ERBB4: variants seen among roughly 807,000 people sequenced by gnomAD.
ERBB4 encodes erb-b2 receptor tyrosine kinase 4, also known as receptor tyrosine-protein kinase erbB-4.
ERBB4 carries 42 observed loss-of-function variants against 158.0 expected under a neutral mutation model. That is an observed-to-expected ratio of 0.27 (90% CI 0.21 to 0.34). The LOEUF (loss-of-function observed/expected upper bound fraction) is 0.34. ERBB4 is among the 10% of genes least tolerant of loss of function. ERBB4 has a pLI of 1.00. For synonymous variants in ERBB4, 583 were observed against 558.7 expected (o/e 1.04, Z -0.61); for missense variants, 1,333 against 1,624.1 (o/e 0.82, Z 3.08).
At position 211,380,168 on chromosome 2, in the gene ERBB4, T is replaced by A; in HGVS notation, c.*3447A>T. On this transcript the variant is annotated 3_prime_UTR_variant, in exon 28 of 28. Transcript: ENST00000342788. Reference sequence around the variant, plus strand: ...GTTGTTTTTCATGCTATTTTAAGAATGTTACTGGAGAAAGGATTCTCATCC... The same window carrying A: ...GTTGTTTTTCATGCTATTTTAAGAAAGTTACTGGAGAAAGGATTCTCATCC... 1 of 232,164 alleles carries A rather than the reference T, an allele frequency of 4.3e-6. No homozygotes were observed. Among genetic ancestry groups the A allele is most frequent in the Non-Finnish European group, 8.5e-6 (1 of 117,396 alleles). The allele number at this position is 232,164 out of a possible 1,614,324, so 14.4% of individuals were successfully genotyped here. A position where few individuals can be genotyped will look rare whatever the true frequency, so the allele number is the denominator to read the frequency against.
chr2:211,749,721 T>C (rs1291939117), intron 5 of ERBB4, among the ~76,000 whole-genome samples: 1 of 152,180 alleles, frequency 6.6e-6, no homozygotes, highest in Admixed American at 6.5e-5. Flanking sequence ...ACTAGACAAA[T>C]GTGAACTGAG....
At chr2:212,196,084 C>T (rs1559718934) in intron 1 of ERBB4, among the ~76,000 whole-genome samples, 1 of 152,042 alleles carries the variant, frequency 6.6e-6, no homozygotes, top group Non-Finnish European at 1.5e-5. Flanking sequence ...CCAAACCTAT[C>T]CCCACCACCG....
At chr2:212,143,349 G>A (rs1226895661) in intron 1 of ERBB4, among the ~76,000 whole-genome samples, 1 of 152,078 alleles carries the variant, frequency 6.6e-6, no homozygotes, top group African/African-American at 2.4e-5. Context: ...TAATAATAAA[G>A]TGTTGAATAA....
intron 4 of ERBB4, among the ~76,000 whole-genome samples, chr2:211,756,134 A>G (rs2106225861): frequency 6.6e-6 from 1 of 152,304 alleles, no homozygotes; most frequent in East Asian, 1.9e-4. Flanking sequence ...GGATAAAAAG[A>G]CGAATGTCAC....
intron 2 of ERBB4, among the ~76,000 whole-genome samples, chr2:211,998,004 A>T (rs1233578208): frequency 6.6e-6 from 1 of 151,718 alleles, no homozygotes; most frequent in Non-Finnish European, 1.5e-5. Context: ...TAAGGTTTCT[A>T]TTAGAAATCA....
At chr2:211,657,698 T>C in intron 16 of ERBB4, 56 bp downstream of exon 16, 1 of 1,332,076 alleles carries the variant, frequency 7.5e-7, no homozygotes, top group South Asian at 1.2e-5. Flanking sequence ...GTACTTTTTG[T>C]TCATGATAAC....
At chr2:212,506,418 G>T (rs1691199447) in intron 1 of ERBB4, among the ~76,000 whole-genome samples, 1 of 124,170 alleles carries the variant, frequency 8.1e-6, no homozygotes, top group African/African-American at 2.5e-5. Context: ...TATCAAGAGA[G>T]CCAAGGCAGG....
At chr2:212,035,412 C>T (rs2076991005) in intron 2 of ERBB4, among the ~76,000 whole-genome samples, 1 of 152,188 alleles carries the variant, frequency 6.6e-6, no homozygotes, top group African/African-American at 2.4e-5. Context: ...CATCCCTCCA[C>T]CCACTTCTAA....
chr2:212,104,463 C>T (rs2079168688), intron 2 of ERBB4, among the ~76,000 whole-genome samples: 1 of 152,112 alleles, frequency 6.6e-6, no homozygotes, highest in Non-Finnish European at 1.5e-5. Flanking sequence ...TTCACCATAT[C>T]TCTTCATAAC....
intron 2 of ERBB4, among the ~76,000 whole-genome samples, chr2:212,058,247 T>C (rs994368407): frequency 2.0e-5 from 3 of 152,202 alleles, no homozygotes; most frequent in African/African-American, 4.8e-5. Flanking sequence ...CAGGAAGAAG[T>C]TGAATCTCTG....
chr2:212,468,101 G>T (rs1367972262), intron 1 of ERBB4, among the ~76,000 whole-genome samples: 1 of 152,154 alleles, frequency 6.6e-6, no homozygotes, highest in African/African-American at 2.4e-5. Flanking sequence ...TACCCCCATT[G>T]TATCTAGGAA....
chr2:212,171,222 A>G (rs2081507270), intron 1 of ERBB4, among the ~76,000 whole-genome samples: 1 of 152,034 alleles, frequency 6.6e-6, no homozygotes, highest in Non-Finnish European at 1.5e-5. Context: ...TCAGACTTGC[A>G]TGGGGCCTGT....
intron 1 of ERBB4, among the ~76,000 whole-genome samples, chr2:212,416,592 A>G (rs2091659540): frequency 6.6e-6 from 1 of 152,130 alleles, no homozygotes; most frequent in Non-Finnish European, 1.5e-5. Context: ...ATACAAATAA[A>G]GCCCTTAAGA....
chr2:212,041,058 C>G (rs933814434), intron 2 of ERBB4, among the ~76,000 whole-genome samples: 2 of 151,998 alleles, frequency 1.3e-5, no homozygotes, highest in African/African-American at 2.4e-5. Flanking sequence ...GTGGGAGTTA[C>G]GTGAACTTGA....
intron 1 of ERBB4, among the ~76,000 whole-genome samples, chr2:212,316,549 C>G (rs563203449): frequency 6.6e-6 from 1 of 151,578 alleles, no homozygotes. Flanking sequence ...TACTTTGGAA[C>G]CCCAAATGAT....
At chr2:211,384,194 C>A in intron 27 of ERBB4, 134 bp from the exon 28 acceptor site, 1 of 677,372 alleles carries the variant, frequency 1.5e-6, no homozygotes, top group South Asian at 1.9e-5. Flanking sequence ...TTTCTCACAA[C>A]AAGTATTTGT....
At chr2:212,015,500 G>A (rs1423157914) in intron 2 of ERBB4, among the ~76,000 whole-genome samples, 1 of 152,006 alleles carries the variant, frequency 6.6e-6, no homozygotes, top group Non-Finnish European at 1.5e-5. Context: ...TTTTGTGCCT[G>A]GGACCTGTTT....
intron 5 of ERBB4, among the ~76,000 whole-genome samples, chr2:211,726,452 T>G (rs1275188561): frequency 6.6e-6 from 1 of 152,156 alleles, no homozygotes; most frequent in African/African-American, 2.4e-5. Context: ...CACCCACTAC[T>G]GAGTGTATTT....
chr2:211,588,650 G>A (rs536087820), intron 19 of ERBB4, among the ~76,000 whole-genome samples: 1 of 152,124 alleles, frequency 6.6e-6, no homozygotes, highest in Admixed American at 6.5e-5. Context: ...AACCCAGAGA[G>A]GTTAAGTAAC....
Sources: allele counts gnomAD v4.1 joint callset (sites outside exome capture counted in the v4.1 genomes callset), GRCh38; gene constraint gnomAD v4.1.1; transcripts MANE v1.5; gene names NCBI Gene and HGNC (gene_info 2026-07-23, HGNC 2026-07-21).